The following TMEM132D variants were observed in gnomAD, a reference collection of about 807,000 sequenced individuals.
TMEM132D encodes the protein transmembrane protein 132D.
A neutral mutation model predicts 62.3 loss-of-function variants in TMEM132D; 21 were observed. That is an observed-to-expected ratio of 0.34 (90% CI 0.24 to 0.49). The LOEUF (loss-of-function observed/expected upper bound fraction) is 0.49, where lower values mean the gene tolerates loss of function less well. TMEM132D is among the 20% of genes least tolerant of loss of function. The pLI, the probability that TMEM132D is intolerant of heterozygous loss-of-function variation, is 0.99. For missense variants in TMEM132D, 1,346 were observed against 1,402.8 expected (o/e 0.96, Z 0.65); for synonymous variants, 621 against 575.6 (o/e 1.08, Z -1.13).
At chr12:129,281,815 T>C (rs1881160751) in intron 4 of TMEM132D, among the ~76,000 whole-genome samples, 1 of 152,158 alleles carries the variant, frequency 6.6e-6, no homozygotes, top group African/African-American at 2.4e-5. Context: ...TGGTATTACC[T>C]GGGAGGTTAT....
intron 1 of TMEM132D, among the ~76,000 whole-genome samples, chr12:129,747,254 C>A (rs1392555352): frequency 7.1e-6 from 1 of 140,170 alleles, no homozygotes; most frequent in Admixed American, 7.1e-5. Context: ...CCGGGCGGGG[C>A]AGCTGCCAGC....
chr12:129,377,534 T>C (rs1870817328), intron 3 of TMEM132D, among the ~76,000 whole-genome samples: 1 of 152,070 alleles, frequency 6.6e-6, no homozygotes, highest in Admixed American at 6.6e-5. Flanking sequence ...AGAATAAAAT[T>C]AACTGTTCTT....
chr12:129,694,330 G>A (rs953802239), intron 2 of TMEM132D, among the ~76,000 whole-genome samples: 3 of 152,090 alleles, frequency 2.0e-5, no homozygotes, highest in African/African-American at 7.2e-5. Flanking sequence ...CCAATTGAAG[G>A]ACATTCCTCA....
intron 4 of TMEM132D, among the ~76,000 whole-genome samples, chr12:129,278,219 T>C (rs1881049068): frequency 1.3e-5 from 2 of 152,238 alleles, no homozygotes; most frequent in African/African-American, 4.8e-5. Context: ...CATATCGCGG[T>C]GATGGACTTC....
intron 3 of TMEM132D, among the ~76,000 whole-genome samples, chr12:129,346,371 C>G (rs1161139368): frequency 1.3e-5 from 2 of 151,596 alleles, no homozygotes; most frequent in Admixed American, 6.6e-5. Context: ...ATTTGTTAAT[C>G]TTTTCAAAAA....
chr12:129,630,210 T>C (rs1413966259), intron 2 of TMEM132D, among the ~76,000 whole-genome samples: 4 of 152,222 alleles, frequency 2.6e-5, no homozygotes, highest in Admixed American at 2.6e-4. Context: ...AGCTCCAGTA[T>C]GGAACCTAAG....
intron 2 of TMEM132D, among the ~76,000 whole-genome samples, chr12:129,595,544 C>T (rs1878312826): frequency 6.6e-6 from 1 of 152,228 alleles, no homozygotes; most frequent in African/African-American, 2.4e-5. Flanking sequence ...GATATTTCTC[C>T]ATCCCTTGTC....
intron 1 of TMEM132D, among the ~76,000 whole-genome samples, chr12:129,819,979 C>A: frequency 6.6e-6 from 1 of 152,184 alleles, no homozygotes; most frequent in Middle Eastern, 3.4e-3. Context: ...GCTCTCAAGA[C>A]GTTTGTTCAT....
chr12:129,786,867 A>G (rs1376949930), intron 1 of TMEM132D, among the ~76,000 whole-genome samples: 2 of 152,154 alleles, frequency 1.3e-5, no homozygotes, highest in African/African-American at 4.8e-5. Context: ...CTCCAGCCTG[A>G]TCAACAGAGT....
chr12:129,434,250 T>C (rs941990729), intron 3 of TMEM132D, among the ~76,000 whole-genome samples: 1 of 152,188 alleles, frequency 6.6e-6, no homozygotes, highest in South Asian at 2.1e-4. Context: ...AATGAGAATG[T>C]CAAATAGACC....
rs552286618 is a variant in TMEM132D at position 129,777,977 on chromosome 12, C to CA, written c.80-77280dup. 6.5e-3 allele frequency among the ~76,000 whole-genome samples: 963 copies of CA among 149,236 alleles called. 8 individuals carry two copies. Among genetic ancestry groups the CA allele is most frequent in the Non-Finnish European group, 8.4e-3 (562 of 67,194 alleles). ...AGCACATCTCTACAAAAAATAAAAA[C>CA]AAAAAAAAATAGCTAGGTGTGTAAT... On this transcript the variant is annotated intron_variant, in intron 1 of 8. Coordinates refer to ENST00000422113, the MANE Select transcript of TMEM132D (RefSeq NM_133448.3).
At chr12:129,881,518 T>C (rs1388888775) in intron 1 of TMEM132D, among the ~76,000 whole-genome samples, 1 of 151,960 alleles carries the variant, frequency 6.6e-6, no homozygotes, top group Non-Finnish European at 1.5e-5. Flanking sequence ...CAAAATGATA[T>C]TAACCTAAAA....
chr12:129,549,205 T>C (rs1214952907), intron 2 of TMEM132D, among the ~76,000 whole-genome samples: 1 of 150,806 alleles, frequency 6.6e-6, no homozygotes, highest in Non-Finnish European at 1.5e-5. Flanking sequence ...TGGGATCTGA[T>C]GGTTTTGTAA....
At chr12:129,131,470 G>A (rs916983963) in intron 5 of TMEM132D, among the ~76,000 whole-genome samples, 1 of 152,204 alleles carries the variant, frequency 6.6e-6, no homozygotes, top group Non-Finnish European at 1.5e-5. Context: ...AGCTGAGCAT[G>A]GTGGTGCATG....
At chr12:129,708,184 T>C (rs1440349958) in intron 1 of TMEM132D, among the ~76,000 whole-genome samples, 1 of 152,010 alleles carries the variant, frequency 6.6e-6, no homozygotes. Flanking sequence ...ACCAGTGCAC[T>C]CCAGCTTGGA....
intron 1 of TMEM132D, among the ~76,000 whole-genome samples, chr12:129,752,237 G>A (rs61945259): frequency 0.036 from 5,459 of 151,638 alleles, 162 homozygotes; most frequent in South Asian, 0.15. Flanking sequence ...ACACACATGC[G>A]CACACACACA....
In TMEM132D at chr12:129,491,207, A is replaced by G. The variant is rs1483662088; in HGVS notation, c.1115+39852T>C. ...CATGATGAGCGCTGAAAAGTCGCTA[A>G]CGAACATGTGGTTCACTCATCTGCC... On this transcript the variant is annotated intron_variant, in intron 3 of 8. Transcript: ENST00000422113. 3.9e-5 allele frequency among the ~76,000 whole-genome samples: 6 copies of G among 152,294 alleles called. No homozygotes were observed. The East Asian group carries it at 1.2e-3, about 29-fold the overall frequency.
At chr12:129,484,408 TA>T (rs1323546890) in intron 3 of TMEM132D, among the ~76,000 whole-genome samples, 1 of 152,216 alleles carries the variant, frequency 6.6e-6, no homozygotes, top group Non-Finnish European at 1.5e-5. Flanking sequence ...ATAGAGTAAT[TA>T]AATGTCTGCT....
intron 4 of TMEM132D, among the ~76,000 whole-genome samples, chr12:129,243,456 T>A (rs1313917295): frequency 6.6e-6 from 1 of 152,196 alleles, no homozygotes; most frequent in Non-Finnish European, 1.5e-5. Context: ...TCTGTGGATA[T>A]GTTTGTATAG....
Sources: allele counts gnomAD v4.1 joint callset (sites outside exome capture counted in the v4.1 genomes callset), GRCh38; gene constraint gnomAD v4.1.1; transcripts MANE v1.5; gene names NCBI Gene and HGNC (gene_info 2026-07-23, HGNC 2026-07-21).